Variants in NOL4L observed in about 807,000 individuals in gnomAD.
NOL4L encodes the protein nucleolar protein 4-like.
In NOL4L, 7 loss-of-function variants were observed where a neutral mutation model predicts 64.5. That is an observed-to-expected ratio of 0.11 (90% CI 0.06 to 0.20). The LOEUF (loss-of-function observed/expected upper bound fraction) is 0.20. NOL4L is among the 10% of genes least tolerant of loss of function. NOL4L has a pLI of 1.00. For synonymous variants in NOL4L, 413 were observed against 401.0 expected (o/e 1.03, Z -0.36); for missense variants, 680 against 967.1 (o/e 0.70, Z 3.94).
chr20:32,558,405 G>A (rs1005555275), intron 1 of NOL4L, among the ~76,000 whole-genome samples: 6 of 152,212 alleles, frequency 3.9e-5, no homozygotes, highest in African/African-American at 1.2e-4. Flanking sequence ...TTCCGTCATG[G>A]GAGCCCCAGG....
chr20:32,555,501 T>A (rs868481128), intron 1 of NOL4L, among the ~76,000 whole-genome samples: 1 of 151,836 alleles, frequency 6.6e-6, no homozygotes. Flanking sequence ...TCTCACTATG[T>A]TGCCCAGGAT....
intron 6 of NOL4L, 94 bp downstream of exon 6, chr20:32,456,024 G>C: frequency 7.5e-7 from 1 of 1,325,858 alleles, no homozygotes; most frequent in Non-Finnish European, 9.9e-7. Context: ...CACATGGGCT[G>C]GCTCCAGCTA....
At position 32,465,277 on chromosome 20, in the gene NOL4L, G is replaced by A. The variant is rs375027745; in HGVS notation, c.842-8882C>T. The A allele has an allele frequency of 1.2e-4, 52 of 421,134 alleles. No homozygotes were observed. The East Asian group carries it at 1.3e-3, about 10-fold the overall frequency. 26.1% of individuals were successfully genotyped at this position (421,134 alleles called of 1,614,324 possible). The stretch of plus-strand genomic sequence containing the variant: ...CCAGAGGCTCCAGGGGGAAGTCACC[G>A]ACCCATCACCCGGGATGAGTGGAGG... On this transcript the variant is annotated intron_variant, in intron 5 of 10. Transcript: ENST00000621426.
intron 5 of NOL4L, among the ~76,000 whole-genome samples, 168 bp from the exon 6 acceptor site, chr20:32,456,563 CAGCCACAGGGTCCCCTCTG>C (rs2013552643): frequency 6.6e-6 from 1 of 152,196 alleles, no homozygotes; most frequent in South Asian, 2.1e-4. Flanking sequence ...TCAGCTGAGG[CAGCCACAGGGTCCCCTCTG>C]CCAGAACAGA....
chr20:32,447,430 G>C lies in NOL4L; in HGVS notation c.*166C>G, dbSNP rs1237765513. Reference sequence around the variant, plus strand: ...AAAAAAAAAAAAAAAAAAAAAAAAAGTGTCCTTGTGCCCAAAGTCTCAGGT... The same window carrying C: ...AAAAAAAAAAAAAAAAAAAAAAAAACTGTCCTTGTGCCCAAAGTCTCAGGT... On this transcript the variant is annotated 3_prime_UTR_variant, in exon 11 of 11. Transcript: ENST00000621426. 4.7e-6 allele frequency: 1 copy of C among 214,244 alleles called. No homozygotes were observed. The highest frequency in any genetic ancestry group is 4.7e-5 in the South Asian group (1 of 21,158). The allele number at this position is 214,244 out of a possible 1,614,324, so 13.3% of individuals were successfully genotyped here.
In NOL4L at chr20:32,459,225, G is replaced by A. The variant is rs545927665; in HGVS notation, c.842-2830C>T. Among the ~76,000 whole-genome samples, 4 of 151,884 alleles carry A rather than the reference G, an allele frequency of 2.6e-5. No homozygotes were observed. In the South Asian group the frequency reaches 8.3e-4, roughly 32 times the overall value. On this transcript the variant is annotated intron_variant, in intron 5 of 10. Coordinates refer to ENST00000621426, the MANE Select transcript of NOL4L (RefSeq NM_001256798.2). ...TATGTAAACAGATTTTAAAATATTGGCGACTCAGTTACATGGTTTACTTTT... is the reference window on the plus strand; with the variant it reads ...TATGTAAACAGATTTTAAAATATTGACGACTCAGTTACATGGTTTACTTTT...
intron 4 of NOL4L, among the ~76,000 whole-genome samples, chr20:32,481,578 T>A (rs1600720089): frequency 6.6e-6 from 1 of 152,218 alleles, no homozygotes; most frequent in East Asian, 1.9e-4. Context: ...CGCAGTGAGC[T>A]CTGTTCCCAC....
intron 4 of NOL4L, among the ~76,000 whole-genome samples, chr20:32,476,060 C>T (rs1336084526): frequency 3.9e-5 from 6 of 152,106 alleles, no homozygotes; most frequent in African/African-American, 1.4e-4. Context: ...ACAGAGCCCA[C>T]GTGTCCTCTA....
intron 5 of NOL4L, among the ~76,000 whole-genome samples, chr20:32,459,842 A>G (rs139318590): frequency 1.1e-4 from 17 of 152,312 alleles, no homozygotes; most frequent in African/African-American, 4.1e-4. Flanking sequence ...CCCATTATTT[A>G]TATTTTTAAA....
Position 32,456,195 on chromosome 20 carries a change from C to G in NOL4L, c.1042G>C (p.Ala348Pro). The G allele has an allele frequency of 1.2e-6, 2 of 1,606,630 alleles. No individual in the cohort carries two copies. Among genetic ancestry groups the G allele is most frequent in the East Asian group, 2.3e-5 (1 of 44,126 alleles). ...CCGCAGCCATCCGAGGGGTAGGAGG[C>G]TGTGCCAAGTGCCGTGGCCGGCGGG... ...KLPPATALGT[A>P]SYPSDGCGAD... The change falls in exon 6 of 11, where the codon GCC (alanine) becomes CCC (proline). Residue 348 changes from alanine (A) to proline (P), a missense_variant. Physicochemically the swap from Ala to Pro is conservative, Grantham distance 27. Transcript: ENST00000621426.
Position 32,514,528 on chromosome 20 carries a change from C to T in NOL4L, c.590-3072G>A, listed in dbSNP as rs115060157. ...AAAGTAAATGTCACTAATGGAATGGCTAAGAAACTGGCCTGAAAGGAACCA... is the reference window on the plus strand; with the variant it reads ...AAAGTAAATGTCACTAATGGAATGGTTAAGAAACTGGCCTGAAAGGAACCA... On this transcript the variant is annotated intron_variant, in intron 3 of 10. Transcript: ENST00000621426. 6.2e-3 allele frequency among the ~76,000 whole-genome samples: 940 copies of T among 151,972 alleles called. 16 individuals carry two copies. The highest frequency in any genetic ancestry group is 0.022 in the African/African-American group (900 of 41,438).
At chr20:32,537,167 C>T (rs952784543) in intron 1 of NOL4L, 1 of 955,372 alleles carries the variant, frequency 1.0e-6, no homozygotes, top group Non-Finnish European at 1.2e-6. Flanking sequence ...CCGTGCCAAG[C>T]CTGATCTCCC....
At chr20:32,487,346 G>A (rs1003656090) in intron 4 of NOL4L, among the ~76,000 whole-genome samples, 1 of 151,026 alleles carries the variant, frequency 6.6e-6, no homozygotes, top group Admixed American at 6.6e-5. Context: ...ATGGAATGAG[G>A]TGTGGACAAG....
intron 1 of NOL4L, among the ~76,000 whole-genome samples, chr20:32,531,684 C>T (rs958239347): frequency 2.0e-5 from 3 of 152,078 alleles, no homozygotes; most frequent in African/African-American, 7.2e-5. Flanking sequence ...TCAGTTTCCG[C>T]ACCTATAAAA....
intron 4 of NOL4L, among the ~76,000 whole-genome samples, chr20:32,490,506 C>T (rs1038903634): frequency 1.3e-5 from 2 of 152,136 alleles, no homozygotes; most frequent in Non-Finnish European, 2.9e-5. Context: ...AAACACCTGA[C>T]CTGTGGGCTG....
At chr20:32,564,738 A>G (rs1979313973) in intron 1 of NOL4L, among the ~76,000 whole-genome samples, 1 of 152,226 alleles carries the variant, frequency 6.6e-6, no homozygotes, top group Non-Finnish European at 1.5e-5. Context: ...TGGCCCTTCA[A>G]GGTGCTGCAC....
chr20:32,468,277 C>T (rs576473928), intron 5 of NOL4L, among the ~76,000 whole-genome samples: 23 of 152,292 alleles, frequency 1.5e-4, no homozygotes, highest in African/African-American at 5.5e-4. Flanking sequence ...CCCCAGATGG[C>T]CTGGCTGTGG....
chr20:32,524,306 G>C (rs7265552), intron 2 of NOL4L, among the ~76,000 whole-genome samples: 2,728 of 152,000 alleles, frequency 0.018, 60 homozygotes, highest in African/African-American at 0.061. Flanking sequence ...GTGAGACAGG[G>C]ACTTCCTACT....
chr20:32,564,186 G>A (rs973326042), intron 1 of NOL4L, among the ~76,000 whole-genome samples: 2 of 152,188 alleles, frequency 1.3e-5, no homozygotes, highest in African/African-American at 2.4e-5. Context: ...TAGGCCACCC[G>A]GCCGCGCCCC....
Sources: gnomAD v4.1 joint callset for allele counts (sites outside exome capture counted in the v4.1 genomes callset) on GRCh38, gnomAD v4.1.1 for gene constraint, MANE v1.5 for transcripts, NCBI Gene and HGNC (gene_info 2026-07-23, HGNC 2026-07-21) for gene names.